Variants in ZBTB10 observed in about 807,000 individuals in gnomAD.
The protein encoded by ZBTB10 is zinc finger and BTB domain containing 10.
Under a neutral mutation model 76.4 loss-of-function variants are expected in ZBTB10, and 32 were observed. That is an observed-to-expected ratio of 0.42 (90% CI 0.32 to 0.56). ZBTB10 has a LOEUF of 0.56. ZBTB10 is among the 20% of genes least tolerant of loss of function. The pLI is 0.14. For missense variants in ZBTB10, 1,057 were observed against 1,098.5 expected (o/e 0.96, Z 0.53); for synonymous variants, 523 against 432.9 (o/e 1.21, Z -2.58).
chr8:80,523,793 A>G lies in ZBTB10; in HGVS notation c.*4265A>G, dbSNP rs1816496855. ...CTATTGAGAACAATATTTTGGGTTG[A>G]GGAGAGATGGTTGAGGCCATTATTT... On this transcript the variant is annotated 3_prime_UTR_variant, in exon 6 of 6. Transcript: ENST00000455036. 1.3e-5 allele frequency: 2 copies of G among 151,956 alleles called. No individual in the cohort carries two copies. The highest frequency in any genetic ancestry group is 4.1e-4 in the South Asian group (2 of 4,824). 9.4% of individuals were successfully genotyped at this position (151,956 alleles called of 1,614,324 possible). A position where few individuals can be genotyped will look rare whatever the true frequency, so the allele number is the denominator to read the frequency against.
At chr8:80,505,245 A>G (rs541217353) in intron 2 of ZBTB10, among the ~76,000 whole-genome samples, 1 of 152,202 alleles carries the variant, frequency 6.6e-6, no homozygotes, top group African/African-American at 2.4e-5. Context: ...AGAGAAAAAC[A>G]TACCAGTTCT....
chr8:80,501,146 A>G (rs916307862), intron 2 of ZBTB10, among the ~76,000 whole-genome samples: 2 of 152,120 alleles, frequency 1.3e-5, no homozygotes, highest in African/African-American at 4.8e-5. Flanking sequence ...GATTACAGAC[A>G]TGAGCCACCA....
chr8:80,499,155 A>G (rs1211105204), intron 1 of ZBTB10, among the ~76,000 whole-genome samples: 6 of 152,204 alleles, frequency 3.9e-5, no homozygotes, highest in Admixed American at 1.3e-4. Context: ...TAATTCCTAT[A>G]AGAGAAAGTT....
In ZBTB10 at chr8:80,499,490, A is replaced by G. The variant is rs1207313048; in HGVS notation, c.973-4A>G. The G allele has an allele frequency of 1.3e-6, 2 of 1,572,254 alleles. No individual in the cohort carries two copies. The highest frequency in any genetic ancestry group is 8.6e-7 in the Non-Finnish European group (1 of 1,161,092). ...TAATATTAATGTTTTTTATCCAATT[A>G]CAGGAGTCAGAAATACCATCAGAGG... On this transcript the variant is annotated splice_polypyrimidine_tract_variant and splice_region_variant and intron_variant, in intron 1 of 5. Transcript: ENST00000455036.
At chr8:80,499,217 T>G (rs1025484364) in intron 1 of ZBTB10, among the ~76,000 whole-genome samples, 6 of 152,306 alleles carry the variant, frequency 3.9e-5, no homozygotes, top group South Asian at 4.1e-4. Context: ...TAAGAAATTC[T>G]CAATTCATGT....
chr8:80,486,093 G>A, upstream of ZBTB10: 1 of 597,160 alleles, frequency 1.7e-6, no homozygotes, highest in Non-Finnish European at 2.3e-6. Flanking sequence ...CCCCTTTCCC[G>A]GTCCCCTGGC....
At chr8:80,488,570 A>C (rs77448465) in intron 1 of ZBTB10, among the ~76,000 whole-genome samples, 5,633 of 152,320 alleles carry the variant, frequency 0.037, 243 homozygotes, top group East Asian at 0.23. Context: ...ATTTGTATCA[A>C]GTAGTGGATT....
chr8:80,491,326 A>G (rs1164512069), intron 1 of ZBTB10, among the ~76,000 whole-genome samples: 2 of 152,198 alleles, frequency 1.3e-5, no homozygotes, highest in Non-Finnish European at 2.9e-5. Flanking sequence ...GCCCAACCAT[A>G]TAGCCTAGGT....
chr8:80,515,391 A>G (rs760677271), intron 3 of ZBTB10, among the ~76,000 whole-genome samples: 2 of 152,214 alleles, frequency 1.3e-5, no homozygotes, highest in African/African-American at 4.8e-5. Context: ...TGAATTCAGT[A>G]TGTACTGACC....
intron 1 of ZBTB10, among the ~76,000 whole-genome samples, chr8:80,494,672 C>T (rs1401319185): frequency 6.6e-6 from 1 of 151,954 alleles, no homozygotes; most frequent in Non-Finnish European, 1.5e-5. Flanking sequence ...AAACTTAGCA[C>T]TCTGGGAGGC....
At chr8:80,491,879 T>C (rs1815640440) in intron 1 of ZBTB10, among the ~76,000 whole-genome samples, 1 of 152,242 alleles carries the variant, frequency 6.6e-6, no homozygotes, top group Admixed American at 6.5e-5. Flanking sequence ...AAATGTATTA[T>C]TGTTGTAAAT....
intron 2 of ZBTB10, among the ~76,000 whole-genome samples, chr8:80,503,266 A>C (rs1340585357): frequency 6.6e-6 from 1 of 152,156 alleles, no homozygotes; most frequent in Non-Finnish European, 1.5e-5. Flanking sequence ...AATCCTCCTT[A>C]AACTTGGAAA....
chr8:80,520,256 C>A lies in ZBTB10; in HGVS notation c.*728C>A, dbSNP rs568356246. The A allele has an allele frequency of 6.6e-6, 1 of 152,504 alleles. No homozygotes were observed. The highest frequency in any genetic ancestry group is 1.5e-5 in the Non-Finnish European group (1 of 67,914). 9.4% of individuals were successfully genotyped at this position (152,504 alleles called of 1,614,324 possible). The stretch of plus-strand genomic sequence containing the variant: ...AATGAAGAATGATGTTATGAAGTTA[C>A]CGTGGCGAAGTTGACAAATACCACT... On this transcript the variant is annotated 3_prime_UTR_variant, in exon 6 of 6. Transcript: ENST00000455036.
rs573842562 is a variant in ZBTB10 at position 80,486,950 on chromosome 8, C to G, written c.140C>G (p.Pro47Arg). ...CCTCCGCAGCCCCAGCCGAGACAGC[C>G]CCCGCCGCCAGCGCCGCCCGCGCTT... The part of the protein sequence containing the change: ...AWPPQPQPRQ[P>R]PPPAPPALQP... The change falls in exon 1 of 6, where the codon CCC (proline) becomes CGC (arginine). Residue 47 changes from proline to arginine, a missense_variant. Physicochemically the swap from Pro to Arg is moderately radical, Grantham distance 103. Coordinates refer to ENST00000455036, the MANE Select transcript of ZBTB10 (RefSeq NM_001105539.3). 1.3e-6 allele frequency: 2 copies of G among 1,514,072 alleles called. No individual in the cohort carries two copies. Among genetic ancestry groups the G allele is most frequent in the Non-Finnish European group, 1.8e-6 (2 of 1,135,758 alleles). The allele number at this position is 1,514,072 out of a possible 1,614,324, so 93.8% of individuals were successfully genotyped here.
intron 1 of ZBTB10, among the ~76,000 whole-genome samples, chr8:80,495,546 CTG>C (rs1430321101): frequency 2.0e-5 from 3 of 151,914 alleles, no homozygotes; most frequent in Non-Finnish European, 4.4e-5. Flanking sequence ...AAACAAAAAA[CTG>C]GATTAGATAC....
Position 80,518,412 on chromosome 8 carries a change from A to C in ZBTB10, c.1970A>C (p.His657Pro). The change falls in exon 4 of 6, where the codon CAT becomes CCT. Residue 657 changes from histidine to proline, a missense_variant. Around this residue, in one of 5 missense-constraint regions of ZBTB10, gnomAD observed 306 missense variants for 297.5 expected, o/e 1.03. Coordinates refer to ENST00000455036, the MANE Select transcript of ZBTB10 (RefSeq NM_001105539.3). ...SQDGGDAGTS[H>P]DFKYGLMPGP... The stretch of plus-strand genomic sequence containing the variant: ...TTTTTACTTGTACTAGGTACTTCAC[A>C]TGATTTCAAGTATGGTTTGATGCCT... 6.4e-7 allele frequency: 1 copy of C among 1,550,622 alleles called. No homozygotes were observed. The highest frequency in any genetic ancestry group is 8.7e-7 in the Non-Finnish European group (1 of 1,147,038).
chr8:80,509,903 T>TG (rs1343463141), intron 2 of ZBTB10, among the ~76,000 whole-genome samples: 1 of 152,090 alleles, frequency 6.6e-6, no homozygotes, highest in Admixed American at 6.6e-5. Context: ...CTACCTTGGC[T>TG]TCCTCCCAAA....
At position 80,524,806 on chromosome 8, in the gene ZBTB10, G is replaced by C. The variant is rs1482781379; in HGVS notation, c.*5278G>C. 5 of 152,082 alleles carry C rather than the reference G, an allele frequency of 3.3e-5. No individual in the cohort carries two copies. Among genetic ancestry groups the C allele is most frequent in the African/African-American group, 1.2e-4 (5 of 41,444 alleles). The allele number at this position is 152,082 out of a possible 1,614,324, so 9.4% of individuals were successfully genotyped here. A position where few individuals can be genotyped will look rare whatever the true frequency, so the allele number is the denominator to read the frequency against. ...GAAAATCGGTTTTTAATTATCCAAA[G>C]ATGAAATGGGGCTGCTTCAGAAAAA... is the stretch of plus-strand genomic sequence containing the variant. On this transcript the variant is annotated 3_prime_UTR_variant, in exon 6 of 6. Coordinates refer to ENST00000455036, the MANE Select transcript of ZBTB10 (RefSeq NM_001105539.3).
At position 80,524,682 on chromosome 8, in the gene ZBTB10, T is replaced by C. The variant is rs1231045750; in HGVS notation, c.*5154T>C. The stretch of plus-strand genomic sequence containing the variant: ...GGAGCCCACATAGCATTATAATGCC[T>C]AGTATCTTTAAACATGTAAAGAGCT... On this transcript the variant is annotated 3_prime_UTR_variant, in exon 6 of 6. Coordinates refer to ENST00000455036, the MANE Select transcript of ZBTB10 (RefSeq NM_001105539.3). The C allele has an allele frequency of 6.6e-6, 1 of 152,070 alleles. No homozygotes were observed. Among genetic ancestry groups the C allele is most frequent in the Non-Finnish European group, 1.5e-5 (1 of 67,944 alleles). 9.4% of individuals were successfully genotyped at this position (152,070 alleles called of 1,614,324 possible). A position where few individuals can be genotyped will look rare whatever the true frequency, so the allele number is the denominator to read the frequency against.
Sources: allele counts gnomAD v4.1 joint callset (sites outside exome capture counted in the v4.1 genomes callset), GRCh38; gene constraint gnomAD v4.1.1; regional missense constraint gnomAD v4.1.1; transcripts MANE v1.5; gene names NCBI Gene and HGNC (gene_info 2026-07-23, HGNC 2026-07-21).